The following MLLT3 variants were observed in gnomAD, a reference collection of about 807,000 sequenced individuals.
The protein encoded by MLLT3 is MLLT3 super elongation complex subunit.
In MLLT3, 4 loss-of-function variants were observed where a neutral mutation model predicts 53.2. The observed-to-expected ratio is 0.08, with a 90% CI of 0.04 to 0.17. The LOEUF is 0.17. Among genes scored for constraint, MLLT3 ranks in the 10% least tolerant of loss-of-function variants. The pLI is 1.00. For missense variants in MLLT3, 569 were observed against 684.0 expected (o/e 0.83, Z 1.87); for synonymous variants, 283 against 230.6 (o/e 1.23, Z -2.06).
At chr9:20,572,490 T>G (rs1819553581) in intron 2 of MLLT3, among the ~76,000 whole-genome samples, 1 of 152,184 alleles carries the variant, frequency 6.6e-6, no homozygotes, top group South Asian at 2.1e-4. Flanking sequence ...GTTATTTATT[T>G]ATATATTAAT....
chr9:20,363,660 C>T (rs533446668), intron 6 of MLLT3, 55 bp from the exon 7 acceptor site: 1 of 1,575,166 alleles, frequency 6.3e-7, no homozygotes, highest in East Asian at 2.3e-5. Flanking sequence ...ACACACTTAG[C>T]CATATTAGAA....
intron 2 of MLLT3, among the ~76,000 whole-genome samples, chr9:20,587,862 A>C (rs1563832104): frequency 6.6e-6 from 1 of 152,024 alleles, no homozygotes; most frequent in Non-Finnish European, 1.5e-5. Context: ...CCCATTTGTC[A>C]ATTTTGGCTT....
chr9:20,390,999 C>A (rs1016385195), intron 5 of MLLT3, among the ~76,000 whole-genome samples: 1 of 152,136 alleles, frequency 6.6e-6, no homozygotes, highest in Non-Finnish European at 1.5e-5. Context: ...TACATGCTTG[C>A]ATGTAGTAAA....
At chr9:20,612,340 C>A (rs898553184) in intron 2 of MLLT3, among the ~76,000 whole-genome samples, 3 of 152,142 alleles carry the variant, frequency 2.0e-5, no homozygotes, top group Non-Finnish European at 4.4e-5. Context: ...GGGACCTCCT[C>A]TTACTCTTAT....
intron 2 of MLLT3, among the ~76,000 whole-genome samples, chr9:20,483,742 C>T (rs1354483521): frequency 8.6e-6 from 1 of 116,576 alleles, no homozygotes; most frequent in Non-Finnish European, 1.6e-5. Flanking sequence ...GAGTATCGCT[C>T]TGTCACCCAG....
intron 2 of MLLT3, among the ~76,000 whole-genome samples, chr9:20,533,990 G>T (rs1818412020): frequency 6.6e-6 from 1 of 152,154 alleles, no homozygotes; most frequent in African/African-American, 2.4e-5. Context: ...ATGGATATGT[G>T]AATTAATTTG....
At position 20,599,867 on chromosome 9, in the gene MLLT3, G is replaced by A. The variant is rs77588574; in HGVS notation, c.193+20787C>T. 3.5e-3 allele frequency among the ~76,000 whole-genome samples: 530 copies of A among 152,212 alleles called. 3 individuals carry two copies. Among genetic ancestry groups the A allele is most frequent in the African/African-American group, 0.012 (506 of 41,526 alleles). On this transcript the variant is annotated intron_variant, in intron 2 of 10. Coordinates refer to ENST00000380338, the MANE Select transcript of MLLT3 (RefSeq NM_004529.4). ...GTTAATCTTCAGTCTTGGATGCCACGTCTGTAAAATAACAAGGTGTAAAAT... is the reference window on the plus strand; with the variant it reads ...GTTAATCTTCAGTCTTGGATGCCACATCTGTAAAATAACAAGGTGTAAAAT...
At chr9:20,520,647 T>C in intron 2 of MLLT3, among the ~76,000 whole-genome samples, 1 of 152,114 alleles carries the variant, frequency 6.6e-6, no homozygotes, top group East Asian at 1.9e-4. Flanking sequence ...ACAACAAAAA[T>C]GGTTGACTGG....
At chr9:20,417,578 G>A (rs1483945942) in intron 4 of MLLT3, among the ~76,000 whole-genome samples, 1 of 151,818 alleles carries the variant, frequency 6.6e-6, no homozygotes, top group East Asian at 1.9e-4. Flanking sequence ...TGAATATCAA[G>A]CAATCTAACA....
intron 4 of MLLT3, among the ~76,000 whole-genome samples, chr9:20,445,202 A>C (rs1027925019): frequency 3.9e-5 from 6 of 152,194 alleles, no homozygotes; most frequent in Admixed American, 6.5e-5. Context: ...GGTCCTATAA[A>C]GTAAATCACT....
chr9:20,552,478 ACT>A (rs2119029471), intron 2 of MLLT3, among the ~76,000 whole-genome samples: 1 of 152,096 alleles, frequency 6.6e-6, no homozygotes, highest in African/African-American at 2.4e-5. Flanking sequence ...TAGCAGCTAG[ACT>A]CTAGCTGCTA....
In MLLT3 at chr9:20,342,549, C is replaced by A. The variant is rs1318115802; in HGVS notation, c.*3894G>T. 1 of 221,438 alleles carries A rather than the reference C, an allele frequency of 4.5e-6. No homozygotes were observed. The highest frequency in any genetic ancestry group is 9.0e-6 in the Non-Finnish European group (1 of 110,746). 13.7% of individuals were successfully genotyped at this position (221,438 alleles called of 1,614,324 possible). The stretch of plus-strand genomic sequence containing the variant: ...TTTCAGAATACTGGAGTACAAGTGC[C>A]AAAATACACATTTACAGTTTACAGA... On this transcript the variant is annotated 3_prime_UTR_variant, in exon 11 of 11. Coordinates refer to ENST00000380338, the MANE Select transcript of MLLT3 (RefSeq NM_004529.4).
intron 2 of MLLT3, among the ~76,000 whole-genome samples, chr9:20,576,631 T>TA (rs1464036170): frequency 6.6e-6 from 1 of 152,104 alleles, no homozygotes; most frequent in Non-Finnish European, 1.5e-5. Flanking sequence ...CGCCATCTTA[T>TA]ATGGGCACGC....
In MLLT3 at chr9:20,412,340, C is replaced by G. The variant is rs192810874; in HGVS notation, c.1125+1381G>C. On this transcript the variant is annotated intron_variant, in intron 5 of 10. Coordinates refer to ENST00000380338, the MANE Select transcript of MLLT3 (RefSeq NM_004529.4). ...GAACAAACACATTCAACTCTCATCT[C>G]CATTTCATAAATTATGACTATAAAG... 2.2e-4 allele frequency among the ~76,000 whole-genome samples: 34 copies of G among 152,294 alleles called. No homozygotes were observed. In the East Asian group the frequency reaches 5.2e-3, roughly 23 times the overall value.
At chr9:20,395,787 A>G (rs1822307209) in intron 5 of MLLT3, among the ~76,000 whole-genome samples, 1 of 152,214 alleles carries the variant, frequency 6.6e-6, no homozygotes, top group African/African-American at 2.4e-5. Context: ...TGTGTGGTAC[A>G]TTACATGCCC....
At chr9:20,357,963 T>C (rs1399111252) in intron 8 of MLLT3, among the ~76,000 whole-genome samples, 2 of 142,028 alleles carry the variant, frequency 1.4e-5, no homozygotes, top group African/African-American at 2.9e-5. Context: ...TCCCCCTACT[T>C]TTCTCCCTCC....
intron 2 of MLLT3, among the ~76,000 whole-genome samples, chr9:20,592,844 G>A (rs1369413647): frequency 6.6e-6 from 1 of 152,132 alleles, no homozygotes; most frequent in Non-Finnish European, 1.5e-5. Flanking sequence ...TCAAGAATCA[G>A]TTCCAAAACT....
chr9:20,526,311 T>C (rs1191638054), intron 2 of MLLT3, among the ~76,000 whole-genome samples: 1 of 152,144 alleles, frequency 6.6e-6, no homozygotes, highest in Non-Finnish European at 1.5e-5. Context: ...AAATGGAACA[T>C]TACCAGTTTC....
intron 3 of MLLT3, among the ~76,000 whole-genome samples, chr9:20,453,529 C>A (rs1377832748): frequency 1.3e-5 from 2 of 152,140 alleles, no homozygotes; most frequent in African/African-American, 4.8e-5. Context: ...CGCCACTGTA[C>A]TCCAGCCTGG....
Sources: gnomAD v4.1 joint callset for allele counts (sites outside exome capture counted in the v4.1 genomes callset) on GRCh38, gnomAD v4.1.1 for gene constraint, MANE v1.5 for transcripts, NCBI Gene and HGNC (gene_info 2026-07-23, HGNC 2026-07-21) for gene names.